MGAT4C: variants seen among roughly 807,000 people sequenced by gnomAD.
The protein encoded by MGAT4C is alpha-1,3-mannosyl-glycoprotein 4-beta-N-acetylglucosaminyltransferase C.
Under a neutral mutation model 40.1 loss-of-function variants are expected in MGAT4C, and 19 were observed. The ratio of observed to expected loss-of-function variants is 0.47; its 90% CI spans 0.33 to 0.70. MGAT4C has a LOEUF of 0.70. Ranked by LOEUF, MGAT4C falls within the 30% of genes least tolerant of loss-of-function variation. The pLI, the probability that MGAT4C is intolerant of heterozygous loss-of-function variation, is 0.02. For synonymous variants in MGAT4C, 181 were observed against 187.1 expected (o/e 0.97, Z 0.27); for missense variants, 491 against 563.2 (o/e 0.87, Z 1.30).
chr12:86,427,422 G>A lies in MGAT4C; in HGVS notation c.-120+7735C>T, dbSNP rs1956950348. ...CTTTTACTTTTTATCTTTTCAAAAG[G>A]AAAAGTTAATAATATCATGGTTCTG... On this transcript the variant is annotated intron_variant, in intron 3 of 7. Transcript: ENST00000548651. 2.0e-5 allele frequency among the ~76,000 whole-genome samples: 3 copies of A among 151,802 alleles called. No homozygotes were observed. The South Asian group carries it at 6.3e-4, about 32-fold the overall frequency.
At chr12:86,284,735 C>A (rs1230317977) in intron 4 of MGAT4C, among the ~76,000 whole-genome samples, 1 of 150,882 alleles carries the variant, frequency 6.6e-6, no homozygotes, top group Admixed American at 6.6e-5. Context: ...TTTAAAACTT[C>A]TTCTTGTGGC....
intron 4 of MGAT4C, among the ~76,000 whole-genome samples, chr12:86,272,372 G>A (rs1204041142): frequency 6.6e-6 from 1 of 152,072 alleles, no homozygotes; most frequent in Non-Finnish European, 1.5e-5. Context: ...ACATGTATTT[G>A]AGCCTATGCG....
At chr12:86,786,584 T>A (rs1022285267) in intron 1 of MGAT4C, among the ~76,000 whole-genome samples, 1 of 152,116 alleles carries the variant, frequency 6.6e-6, no homozygotes, top group Non-Finnish European at 1.5e-5. Context: ...GCTCAAACTT[T>A]TTTTTTTTCT....
intron 1 of MGAT4C, among the ~76,000 whole-genome samples, chr12:86,099,338 C>T (rs1874516338): frequency 6.6e-6 from 1 of 151,056 alleles, no homozygotes; most frequent in African/African-American, 2.4e-5. Context: ...GGCTGGATTC[C>T]ATGGTTATTT....
rs527892384 is a variant in MGAT4C, at chr12:86,758,651, T to C, written c.-261-31410A>G. ...CTTCATAGGTTTCTGCATGTAAGTA[T>C]ATTCATATTCAAATGAATATAGTGA... On this transcript the variant is annotated intron_variant, in intron 1 of 7. Transcript: ENST00000548651. 5.9e-5 allele frequency among the ~76,000 whole-genome samples: 9 copies of C among 152,212 alleles called. No individual in the cohort carries two copies. In the South Asian group the frequency reaches 1.7e-3, roughly 28 times the overall value.
intron 2 of MGAT4C, among the ~76,000 whole-genome samples, chr12:86,710,571 T>C (rs1052115689): frequency 6.6e-6 from 1 of 152,094 alleles, no homozygotes; most frequent in African/African-American, 2.4e-5. Context: ...ACGGGAACAA[T>C]TTACACTGCT....
intron 2 of MGAT4C, among the ~76,000 whole-genome samples, chr12:86,514,067 A>AACACACACACACACAC (rs71078908): frequency 2.2e-5 from 3 of 134,022 alleles, no homozygotes; most frequent in Admixed American, 7.6e-5. Flanking sequence ...GCCATGCACC[A>AACACACACACACACAC]ACACACACAC....
intron 3 of MGAT4C, among the ~76,000 whole-genome samples, chr12:86,413,165 C>A (rs1410441521): frequency 6.6e-6 from 1 of 151,870 alleles, no homozygotes; most frequent in African/African-American, 2.4e-5. Flanking sequence ...TACTGAAAAA[C>A]AGTACTTAGA....
chr12:86,169,534 A>T (rs1350698922), intron 1 of MGAT4C, among the ~76,000 whole-genome samples: 2 of 152,186 alleles, frequency 1.3e-5, no homozygotes, highest in Non-Finnish European at 2.9e-5. Flanking sequence ...TTTCTTGCAC[A>T]AGCAGATACA....
At chr12:86,604,266 C>T (rs138195188) in intron 2 of MGAT4C, among the ~76,000 whole-genome samples, 97 of 152,214 alleles carry the variant, frequency 6.4e-4, no homozygotes, top group African/African-American at 2.1e-3. Flanking sequence ...AAGTTCAATG[C>T]TAGTGATTTT....
chr12:86,748,630 TAC>T (rs1420041503), intron 1 of MGAT4C, among the ~76,000 whole-genome samples: 1 of 151,472 alleles, frequency 6.6e-6, no homozygotes, highest in African/African-American at 2.4e-5. Context: ...GGGTCAGAAA[TAC>T]AGAGTGTGTA....
chr12:86,230,892 C>G (rs1951292708), intron 1 of MGAT4C, among the ~76,000 whole-genome samples: 2 of 146,832 alleles, frequency 1.4e-5, no homozygotes, highest in African/African-American at 5.0e-5. Context: ...TACTTTTTTC[C>G]TAATTTACGT....
intron 1 of MGAT4C, among the ~76,000 whole-genome samples, chr12:86,170,997 T>C (rs1307895292): frequency 1.3e-5 from 2 of 152,186 alleles, no homozygotes; most frequent in Admixed American, 6.5e-5. Context: ...TTCTGTTCTC[T>C]GAGGTACATT....
intron 3 of MGAT4C, among the ~76,000 whole-genome samples, chr12:86,395,115 AGTAAT>A (rs1470421996): frequency 6.6e-6 from 1 of 152,186 alleles, no homozygotes; most frequent in Non-Finnish European, 1.5e-5. Flanking sequence ...AATTTAGTAA[AGTAAT>A]GTAAGGTTAA....
intron 2 of MGAT4C, among the ~76,000 whole-genome samples, chr12:86,572,856 C>T (rs561401624): frequency 6.6e-6 from 1 of 152,050 alleles, no homozygotes; most frequent in Admixed American, 6.6e-5. Context: ...TCACTCTGCC[C>T]TTCTCTCTTT....
intron 2 of MGAT4C, among the ~76,000 whole-genome samples, chr12:86,612,816 C>A (rs1362184245): frequency 6.7e-6 from 1 of 148,508 alleles, no homozygotes; most frequent in African/African-American, 2.5e-5. Flanking sequence ...AGAAAGAAAA[C>A]TTTCATTGTA....
intron 3 of MGAT4C, among the ~76,000 whole-genome samples, chr12:86,414,699 G>GCTCAAAA (rs1339335278): frequency 1.3e-5 from 2 of 152,092 alleles, no homozygotes; most frequent in Admixed American, 1.3e-4. Context: ...ATGGCTGACT[G>GCTCAAAA]CTCAAAAGGA....
At chr12:86,410,716 T>C (rs1427416890) in intron 3 of MGAT4C, among the ~76,000 whole-genome samples, 1 of 152,192 alleles carries the variant, frequency 6.6e-6, no homozygotes, top group Non-Finnish European at 1.5e-5. Flanking sequence ...AGTATTAATT[T>C]TGGGAACTGA....
intron 1 of MGAT4C, among the ~76,000 whole-genome samples, chr12:86,817,923 G>A (rs1237053342): frequency 1.3e-5 from 2 of 151,378 alleles, no homozygotes; most frequent in African/African-American, 2.4e-5. Context: ...GTTCCTTCCA[G>A]AAGTGGCACT....
Sources: gnomAD v4.1 joint callset for allele counts (sites outside exome capture counted in the v4.1 genomes callset) on GRCh38, gnomAD v4.1.1 for gene constraint, MANE v1.5 for transcripts, NCBI Gene and HGNC (gene_info 2026-07-23, HGNC 2026-07-21) for gene names.